Variants in HEG1 observed in about 807,000 individuals in gnomAD.
HEG1 encodes heart development protein with EGF like domains 1, also known as protein HEG homolog 1.
A neutral mutation model predicts 125.6 loss-of-function variants in HEG1; 56 were observed. The ratio of observed to expected loss-of-function variants is 0.45; its 90% confidence interval spans 0.36 to 0.56. The LOEUF is 0.56. Ranked by LOEUF, HEG1 falls within the 20% of genes least tolerant of loss-of-function variation. HEG1 has a pLI of 0.00. For synonymous variants in HEG1, 644 were observed against 668.5 expected (o/e 0.96, Z 0.57); for missense variants, 1,523 against 1,670.0 (o/e 0.91, Z 1.53).
rs1316989067 is a variant in HEG1, at chr3:124,990,939, C to T, written c.3695+5G>A. 3 of 1,557,840 alleles carry T rather than the reference C, an allele frequency of 1.9e-6. No homozygotes were observed. Among genetic ancestry groups the T allele is most frequent in the African/African-American group, 1.4e-5 (1 of 73,526 alleles). On this transcript the variant is annotated splice_donor_5th_base_variant and intron_variant, in intron 13 of 16. Transcript: ENST00000311127. ...AAAATTAGACTAAATCAACATGGAG[C>T]CTACCTCATGCAGGTTTCATTTTCA... is the stretch of plus-strand genomic sequence containing the variant.
rs1053390612 is a variant in HEG1 at position 125,050,915 on chromosome 3, G to A, written c.316+4660C>T. On this transcript the variant is annotated intron_variant, in intron 1 of 16. Coordinates refer to ENST00000311127, the MANE Select transcript of HEG1 (RefSeq NM_020733.2). ...TGATGAATGGTGAGTGGGTAGAAGA[G>A]AGCATAGATGTTCAAATGAAAGCAA... Among the ~76,000 whole-genome samples, 4 of 152,358 alleles carry A rather than the reference G, an allele frequency of 2.6e-5. No individual in the cohort carries two copies. In the South Asian group the frequency reaches 8.3e-4, roughly 32 times the overall value.
Position 125,013,388 on chromosome 3 carries a change from G to A in HEG1, c.2191C>T (p.Leu731Phe). The A allele has an allele frequency of 6.2e-7, 1 of 1,614,032 alleles. No individual in the cohort carries two copies. Among genetic ancestry groups the A allele is most frequent in the Non-Finnish European group, 8.5e-7 (1 of 1,179,900 alleles). The change falls in exon 6 of 17, where the codon CTT (leucine) becomes TTT (phenylalanine). Residue 731 changes from leucine (L) to phenylalanine (F), a missense_variant. Transcript: ENST00000311127. Reference sequence around the variant, plus strand: ...GGCAAGGTTGTTTGTGAGACAGAAAGTGGGGCAGATGTAGATGTCGTTAAG... The same window carrying A: ...GGCAAGGTTGTTTGTGAGACAGAAAATGGGGCAGATGTAGATGTCGTTAAG... ...VSLTTSTSAPLSVSQTTLPQS... is the reference protein window; with the variant it reads ...VSLTTSTSAPFSVSQTTLPQS...
At position 124,970,419 on chromosome 3, in the gene HEG1, A is replaced by G; in HGVS notation, c.*233T>C. The G allele has an allele frequency of 3.9e-6, 2 of 514,056 alleles. No homozygotes were observed. The highest frequency in any genetic ancestry group is 3.8e-5 in the African/African-American group (2 of 52,352). 31.8% of individuals were successfully genotyped at this position (514,056 alleles called of 1,614,324 possible). On this transcript the variant is annotated 3_prime_UTR_variant, in exon 17 of 17. Transcript: ENST00000311127. ...GCAGTCACTCAGAGAGACTCTCTTG[A>G]TACTGGCCCACATTCACGTTCACAG...
intron 14 of HEG1, among the ~76,000 whole-genome samples, chr3:124,987,054 T>C (rs1936750039): frequency 2.0e-5 from 3 of 152,114 alleles, no homozygotes; most frequent in Non-Finnish European, 4.4e-5. Context: ...AAAACTTATT[T>C]AGGGGTCAGG....
At chr3:124,983,818 C>A (rs1345418539) in intron 14 of HEG1, among the ~76,000 whole-genome samples, 2 of 152,186 alleles carry the variant, frequency 1.3e-5, no homozygotes, top group African/African-American at 2.4e-5. Flanking sequence ...TGATGTTTTA[C>A]ACAACTCTAT....
chr3:125,026,267 G>A (rs531580731), intron 3 of HEG1, among the ~76,000 whole-genome samples: 2 of 152,190 alleles, frequency 1.3e-5, no homozygotes, highest in East Asian at 1.9e-4. Flanking sequence ...ATGTCTTATC[G>A]GCTGCACCTT....
rs1334879744 is a variant in HEG1, at chr3:124,969,885, T to C, written c.*767A>G. 1 of 152,074 alleles carries C rather than the reference T, an allele frequency of 6.6e-6. No homozygotes were observed. The highest frequency in any genetic ancestry group is 2.4e-5 in the African/African-American group (1 of 41,416). 9.4% of individuals were successfully genotyped at this position (152,074 alleles called of 1,614,324 possible). On this transcript the variant is annotated 3_prime_UTR_variant, in exon 17 of 17. Transcript: ENST00000311127. ...CTGAGCCTCCAGCTAAAACCAAATA[T>C]AAGTTGTTTTGCCCTGATCCAGGCT... is the stretch of plus-strand genomic sequence containing the variant.
At chr3:125,017,369 C>T (rs2107702605) in intron 5 of HEG1, among the ~76,000 whole-genome samples, 1 of 152,244 alleles carries the variant, frequency 6.6e-6, no homozygotes, top group South Asian at 2.1e-4. Flanking sequence ...AGAACTCTTA[C>T]AATTTAATAA....
intron 14 of HEG1, among the ~76,000 whole-genome samples, chr3:124,979,172 G>C (rs960523858): frequency 6.6e-6 from 1 of 151,928 alleles, no homozygotes; most frequent in South Asian, 2.1e-4. Flanking sequence ...GACTGATCTC[G>C]AACTCCTAAC....
intron 6 of HEG1, among the ~76,000 whole-genome samples, chr3:125,011,873 C>A (rs558605001): frequency 6.6e-6 from 1 of 152,208 alleles, no homozygotes; most frequent in African/African-American, 2.4e-5. Context: ...CATCATCCTA[C>A]TTCCTTCTAC....
At chr3:125,024,393 G>T (rs1266575621) in intron 3 of HEG1, among the ~76,000 whole-genome samples, 1 of 152,116 alleles carries the variant, frequency 6.6e-6, no homozygotes, top group Admixed American at 6.6e-5. Context: ...GTGCTCAATT[G>T]TAGCCACTCT....
rs756958817 is a variant in HEG1 at position 125,021,044 on chromosome 3, C to T, written c.1000G>A (p.Val334Met). 16 of 1,611,364 alleles carry T rather than the reference C, an allele frequency of 9.9e-6. No individual in the cohort carries two copies. Among genetic ancestry groups the T allele is most frequent in the African/African-American group, 2.7e-5 (2 of 74,884 alleles). ...GTTCTCGGGCCACCATCAGTGAACA[C>T]GGTGGCAACATGCATTGTCTTTGTT... ...SQTKTMHVAT[V>M]FTDGGPRTLR... Residue 334 changes from valine (V) to methionine (M), a missense_variant, in exon 4 of 17, where the codon GTG (valine) becomes ATG (methionine). Physicochemically the swap from Val to Met is conservative, Grantham distance 21 (BLOSUM62 1). Coordinates refer to ENST00000311127, the MANE Select transcript of HEG1 (RefSeq NM_020733.2).
At chr3:124,991,046 A>G in intron 12 of HEG1, 60 bp from the exon 13 acceptor site, 1 of 1,328,314 alleles carries the variant, frequency 7.5e-7, no homozygotes, top group Admixed American at 2.1e-5. Context: ...ACTCCCAGTT[A>G]ATTAAACGCC....
intron 8 of HEG1, among the ~76,000 whole-genome samples, chr3:125,005,852 T>G (rs771394538): frequency 4.6e-5 from 7 of 152,192 alleles, no homozygotes; most frequent in Non-Finnish European, 8.8e-5. Flanking sequence ...AACTGAGTCA[T>G]GCCCACCACT....
chr3:125,054,021 A>G (rs1245666687), intron 1 of HEG1, among the ~76,000 whole-genome samples: 1 of 152,260 alleles, frequency 6.6e-6, no homozygotes, highest in African/African-American at 2.4e-5. Context: ...ACTACTACCC[A>G]GAGAAATCTG....
chr3:125,048,896 A>G (rs1206883269), intron 1 of HEG1, among the ~76,000 whole-genome samples: 1 of 152,154 alleles, frequency 6.6e-6, no homozygotes, highest in African/African-American at 2.4e-5. Flanking sequence ...TGAGGAAAGG[A>G]GAGGAATGGA....
chr3:125,009,142 T>C (rs1358079352), intron 8 of HEG1, among the ~76,000 whole-genome samples: 2 of 152,202 alleles, frequency 1.3e-5, no homozygotes, highest in Admixed American at 6.5e-5. Context: ...ATATGACAAA[T>C]TGTGTGATAC....
At chr3:125,027,029 C>G (rs1937424617) in intron 3 of HEG1, among the ~76,000 whole-genome samples, 176 bp downstream of exon 3, 1 of 152,168 alleles carries the variant, frequency 6.6e-6, no homozygotes, top group African/African-American at 2.4e-5. Context: ...CTGAGATAAA[C>G]TGGGTAGGTT....
Position 124,969,308 on chromosome 3 carries a change from AATAAG to A in HEG1, c.*1339_*1343del, listed in dbSNP as rs1024730291. The A allele has an allele frequency of 4.6e-5, 7 of 152,238 alleles. No homozygotes were observed. Among genetic ancestry groups the A allele is most frequent in the Admixed American group, 2.6e-4 (4 of 15,294 alleles). The allele number at this position is 152,238 out of a possible 1,614,324, so 9.4% of individuals were successfully genotyped here. On this transcript the variant is annotated 3_prime_UTR_variant, in exon 17 of 17. Coordinates refer to ENST00000311127, the MANE Select transcript of HEG1 (RefSeq NM_020733.2). ...CAGGACCCACATCACAGGCATAATA[AATAAG>A]ATGAGTGGAACTTCCTTCCCGAAGG...
Sources: gnomAD v4.1 joint callset for allele counts (sites outside exome capture counted in the v4.1 genomes callset) on GRCh38, gnomAD v4.1.1 for gene constraint, MANE v1.5 for transcripts, NCBI Gene and HGNC (gene_info 2026-07-23, HGNC 2026-07-21) for gene names.